CNOT1: variants seen among roughly 807,000 people sequenced by gnomAD.
CNOT1 encodes the protein CCR4-NOT transcription complex subunit 1, also known as CCR4-associated factor 1.
CNOT1 carries 15 observed loss-of-function variants against 273.8 expected under a neutral mutation model. That is an observed-to-expected ratio of 0.05 (90% CI 0.04 to 0.08). CNOT1 has a LOEUF of 0.08. Among genes scored for constraint, CNOT1 ranks in the 10% least tolerant of loss-of-function variants. The pLI, the probability that CNOT1 is intolerant of heterozygous loss-of-function variation, is 1.00. For missense variants in CNOT1, 1,644 were observed against 2,912.2 expected, an observed-to-expected ratio of 0.56 and a Z score of 10.02; for synonymous variants, 1,022 against 1,005.5, an observed-to-expected ratio of 1.02 and a Z score of -0.31.
intron 16 of CNOT1, among the ~76,000 whole-genome samples, chr16:58,574,099 AAAG>A (rs568803564): frequency 9.7e-4 from 147 of 152,060 alleles, no homozygotes; most frequent in African/African-American, 1.5e-3. Flanking sequence ...AAAAGAAAAA[AAAG>A]AAGAAGAAGA....
intron 47 of CNOT1, 51 bp downstream of exon 47, chr16:58,523,319 G>T: frequency 1.3e-6 from 2 of 1,493,736 alleles, no homozygotes; most frequent in South Asian, 1.3e-5. Context: ...AAAAAAAGAT[G>T]AAAGGGAGGA....
intron 21 of CNOT1, 86 bp downstream of exon 21, chr16:58,555,165 G>T: frequency 6.5e-7 from 1 of 1,534,734 alleles, no homozygotes; most frequent in South Asian, 1.3e-5. Context: ...CCGAGATTGC[G>T]CCACTGCACT....
At chr16:58,612,237 G>A (rs1411725038) in intron 1 of CNOT1, among the ~76,000 whole-genome samples, 2 of 152,124 alleles carry the variant, frequency 1.3e-5, no homozygotes, top group East Asian at 1.9e-4. Flanking sequence ...ACCTTAAGAA[G>A]ACAAGTAGGC....
intron 2 of CNOT1, among the ~76,000 whole-genome samples, chr16:58,590,819 A>T (rs1209329408): frequency 6.6e-6 from 1 of 152,168 alleles, no homozygotes; most frequent in African/African-American, 2.4e-5. Context: ...AATTAACCAG[A>T]TCTCTCACCC....
chr16:58,551,937 A>C, intron 22 of CNOT1, 118 bp from the exon 23 acceptor site: 29 of 1,329,292 alleles, frequency 2.2e-5, no homozygotes, highest in East Asian at 4.7e-5. Context: ...CATCTAGCTC[A>C]CATACTCTTT....
In CNOT1 at chr16:58,525,228, T is replaced by C; in HGVS notation, c.6735A>G (p.Ser2245=). The C allele has an allele frequency of 1.9e-6, 3 of 1,613,962 alleles. No homozygotes were observed. Among genetic ancestry groups the C allele is most frequent in the Non-Finnish European group, 2.5e-6 (3 of 1,180,048 alleles). ...AATTCTGGAAGATATCCATGTGTGC[T>C]GAGTGAGTGATGGTGCTCATTGAAG... ...STPSMSTITH[S]AHMDIFQNLA... The change falls in exon 46 of 49, where the codon TCA becomes TCG. Residue 2245 remains serine, a synonymous_variant. Coordinates refer to ENST00000317147, the MANE Select transcript of CNOT1 (RefSeq NM_016284.5).
intron 1 of CNOT1, among the ~76,000 whole-genome samples, chr16:58,621,420 C>A (rs896742692): frequency 6.6e-6 from 1 of 151,864 alleles, no homozygotes; most frequent in African/African-American, 2.4e-5. Context: ...ATTACAGGCA[C>A]GCGCCACCAC....
chr16:58,603,582 T>C (rs2042558760), intron 1 of CNOT1, among the ~76,000 whole-genome samples: 1 of 152,112 alleles, frequency 6.6e-6, no homozygotes, highest in Non-Finnish European at 1.5e-5. Context: ...ACCTAACCAC[T>C]GATACTCTTC....
At position 58,551,631 on chromosome 16, in the gene CNOT1, C is replaced by G; in HGVS notation, c.3159G>C (p.Thr1053=). ...STTTTVAKTV[T]VTRPTGVSFK... is the part of the protein sequence containing the mutation. Reference sequence around the variant, plus strand: ...AGCTGACTCCAGTTGGCCTGGTGACCGTAACCGTTTTAGCAACAGTGGTAG... The same window carrying G: ...AGCTGACTCCAGTTGGCCTGGTGACGGTAACCGTTTTAGCAACAGTGGTAG... Residue 1053 remains threonine, a synonymous_variant, in exon 23 of 49, where the codon ACG becomes ACC. Transcript: ENST00000317147. 1.2e-6 allele frequency: 2 copies of G among 1,614,104 alleles called. No homozygotes were observed. The highest frequency in any genetic ancestry group is 1.7e-6 in the Non-Finnish European group (2 of 1,180,028).
intron 40 of CNOT1, among the ~76,000 whole-genome samples, chr16:58,533,613 T>G (rs1390419129): frequency 6.6e-6 from 1 of 151,272 alleles, no homozygotes; most frequent in Non-Finnish European, 1.5e-5. Context: ...CCAGCCTGGG[T>G]GACAGAGTGA....
intron 22 of CNOT1, 64 bp downstream of exon 22, chr16:58,553,718 C>A: frequency 1.3e-6 from 2 of 1,527,862 alleles, no homozygotes; most frequent in Non-Finnish European, 8.7e-7. Context: ...CAAAAAAAAG[C>A]CAAAATATTA....
At chr16:58,537,846 G>T in intron 38 of CNOT1, 45 bp downstream of exon 38, 6 of 1,607,258 alleles carry the variant, frequency 3.7e-6, no homozygotes, top group Non-Finnish European at 5.1e-6. Flanking sequence ...AAAGATATTA[G>T]AAGACTACTA....
At chr16:58,609,311 G>A (rs575721096) in intron 1 of CNOT1, among the ~76,000 whole-genome samples, 1 of 152,000 alleles carries the variant, frequency 6.6e-6, no homozygotes, top group Non-Finnish European at 1.5e-5. Context: ...GGCGGAGGTT[G>A]CAGTGAGCCA....
intron 1 of CNOT1, among the ~76,000 whole-genome samples, chr16:58,607,649 C>A (rs547584212): frequency 6.9e-6 from 1 of 144,986 alleles, no homozygotes; most frequent in African/African-American, 2.6e-5. Flanking sequence ...TCACTTGAAT[C>A]CAGGAGGCAG....
intron 1 of CNOT1, among the ~76,000 whole-genome samples, chr16:58,629,476 C>T (rs2043737791): frequency 6.6e-6 from 1 of 152,168 alleles, no homozygotes; most frequent in Non-Finnish European, 1.5e-5. Flanking sequence ...CCGCGCTCTA[C>T]CCTCCGCTTC....
chr16:58,558,023 AC>A (rs1231165011), intron 18 of CNOT1, among the ~76,000 whole-genome samples: 1 of 150,476 alleles, frequency 6.6e-6, no homozygotes, highest in Non-Finnish European at 1.5e-5. Context: ...ACGAAAAAAA[AC>A]CTTAAAATGT....
At chr16:58,594,690 T>A (rs915715055) in intron 2 of CNOT1, among the ~76,000 whole-genome samples, 4 of 150,724 alleles carry the variant, frequency 2.7e-5, no homozygotes, top group Non-Finnish European at 5.9e-5. Flanking sequence ...TAATCCCAGC[T>A]ACTGGGGAGG....
In CNOT1 at chr16:58,578,844, C is replaced by T; in HGVS notation, c.1439G>A (p.Cys480Tyr). 1 of 1,614,134 alleles carries T rather than the reference C, an allele frequency of 6.2e-7. No individual in the cohort carries two copies. The change falls in exon 13 of 49, where the codon TGT becomes TAT. Residue 480 changes from cysteine to tyrosine, a missense_variant. By Grantham distance (194) the Cys-to-Tyr change is radical. Around this residue, in one of 13 missense-constraint regions of CNOT1, gnomAD observed 706 missense variants for 1,021.2 expected, o/e 0.69. Transcript: ENST00000317147. ...KQLFSFPIKHCPDMLVLALLQ... is the reference protein window; with the variant it reads ...KQLFSFPIKHYPDMLVLALLQ... ...TAAGGCCAATACCAGCATGTCTGGA[C>T]AGTGTTTGATAGGGAAGCTGAAGAG...
intron 16 of CNOT1, among the ~76,000 whole-genome samples, chr16:58,571,779 A>G (rs1036434653): frequency 6.6e-6 from 1 of 151,958 alleles, no homozygotes; most frequent in African/African-American, 2.4e-5. Flanking sequence ...GGAGTTTGAG[A>G]CCAGCCAGGC....
Sources: allele counts gnomAD v4.1 joint callset (sites outside exome capture counted in the v4.1 genomes callset), GRCh38; gene constraint gnomAD v4.1.1; regional missense constraint gnomAD v4.1.1; transcripts MANE v1.5; gene names NCBI Gene and HGNC (gene_info 2026-07-23, HGNC 2026-07-21).